The following SEC61A2 variants were observed in gnomAD, a reference collection of about 807,000 sequenced individuals.
SEC61A2 encodes SEC61 translocon subunit alpha 2.
Under a neutral mutation model 59.9 loss-of-function variants are expected in SEC61A2, and 28 were observed. The observed-to-expected ratio is 0.47, with a 90% CI of 0.35 to 0.64. The LOEUF (loss-of-function observed/expected upper bound fraction) is 0.64. SEC61A2 is among the 30% of genes least tolerant of loss of function. The pLI is 0.01. For synonymous variants in SEC61A2, 202 were observed against 214.4 expected (o/e 0.94, Z 0.50); for missense variants, 340 against 585.9 (o/e 0.58, Z 4.33).
intron 11 of SEC61A2, among the ~76,000 whole-genome samples, chr10:12,163,283 C>T (rs1035224459): frequency 1.3e-5 from 2 of 149,310 alleles, no homozygotes; most frequent in African/African-American, 4.9e-5. Flanking sequence ...AGCTTGGGAC[C>T]ACAGGTGTGT....
At position 12,129,923 on chromosome 10, in the gene SEC61A2, C is replaced by T. The variant is rs994455564; in HGVS notation, c.7+129C>T. The stretch of plus-strand genomic sequence containing the variant: ...ATGCGCGGGCCGCTCCGGGCCTCAG[C>T]GGAGGGCACGGGCCGGGGGCCTCCG... On this transcript the variant is annotated intron_variant, in intron 1 of 11. Transcript: ENST00000298428. The surrounding 1 kb of genome is among the most constrained non-coding windows in gnomAD (Gnocchi z 5.6). The T allele has an allele frequency of 3.6e-6, 3 of 838,084 alleles. No individual in the cohort carries two copies. In the African/African-American group the frequency reaches 5.4e-5, roughly 15 times the overall value. 51.9% of individuals were successfully genotyped at this position (838,084 alleles called of 1,614,324 possible). A position where few individuals can be genotyped will look rare whatever the true frequency, so the allele number is the denominator to read the frequency against.
At chr10:12,134,626 G>T (rs1387942170) in intron 2 of SEC61A2, among the ~76,000 whole-genome samples, 2 of 152,096 alleles carry the variant, frequency 1.3e-5, no homozygotes, top group Non-Finnish European at 2.9e-5. Context: ...AGGTGAAAGG[G>T]ACATTAGAAA....
chr10:12,136,187 T>C lies in SEC61A2; in HGVS notation c.141+17T>C. ...TGTTGTCAGGTATGTAACTATACTA[T>C]TAAATAAATGTCTGCACCATTGTTC... On this transcript the variant is annotated intron_variant, in intron 3 of 11. Transcript: ENST00000298428. 1 of 1,459,324 alleles carries C rather than the reference T, an allele frequency of 6.9e-7. No individual in the cohort carries two copies. The highest frequency in any genetic ancestry group is 9.6e-7 in the Non-Finnish European group (1 of 1,039,584). 90.4% of individuals were successfully genotyped at this position (1,459,324 alleles called of 1,614,324 possible).
intron 3 of SEC61A2, among the ~76,000 whole-genome samples, chr10:12,140,523 T>C (rs1293494689): frequency 6.6e-6 from 1 of 152,130 alleles, no homozygotes; most frequent in African/African-American, 2.4e-5. Flanking sequence ...TTATGGGAGG[T>C]TGGCTTGCTG....
intron 6 of SEC61A2, among the ~76,000 whole-genome samples, chr10:12,150,923 T>C (rs1021179418): frequency 3.9e-5 from 6 of 152,120 alleles, no homozygotes; most frequent in Middle Eastern, 6.8e-3. Context: ...TACAGGTGCC[T>C]GCCACCACGC....
chr10:12,136,029 C>T (rs1279135367), intron 2 of SEC61A2, 76 bp from the exon 3 acceptor site: 1 of 928,278 alleles, frequency 1.1e-6, no homozygotes, highest in African/African-American at 1.6e-5. Context: ...AAAGAATAAC[C>T]TCAAAACTCT....
In SEC61A2 at chr10:12,139,645, G is replaced by A. The variant is rs574025429; in HGVS notation, c.142-3472G>A. On this transcript the variant is annotated intron_variant, in intron 3 of 11. Coordinates refer to ENST00000298428, the MANE Select transcript of SEC61A2 (RefSeq NM_018144.4). ...TAAAAATAGAAAAAATTAGGCGGGC[G>A]TGGTGGCGGGCGCCTGTAGTCCCAG... is the stretch of plus-strand genomic sequence containing the variant. Among the ~76,000 whole-genome samples the A allele has an allele frequency of 2.7e-3, 408 of 152,244 alleles. 1 individual carries two copies. Among genetic ancestry groups the A allele is most frequent in the African/African-American group, 9.2e-3 (382 of 41,560 alleles).
intron 2 of SEC61A2, among the ~76,000 whole-genome samples, chr10:12,135,010 T>G (rs1833853621): frequency 6.6e-6 from 1 of 152,076 alleles, no homozygotes; most frequent in Non-Finnish European, 1.5e-5. Context: ...ATGGGGAACT[T>G]TAGTTACGTT....
chr10:12,144,670 G>A (rs940780600), intron 4 of SEC61A2, among the ~76,000 whole-genome samples: 1 of 152,012 alleles, frequency 6.6e-6, no homozygotes, highest in Non-Finnish European at 1.5e-5. Flanking sequence ...GAGAGAGGAG[G>A]CCACATGAAG....
Position 12,158,256 on chromosome 10 carries a change from A to T in SEC61A2, c.975+151A>T. ...GCAGAGTTTAGTACTTATCTGGAAG[A>T]ACTGGTAAGTGTTGCAGAAGTAAGA... On this transcript the variant is annotated intron_variant, in intron 9 of 11. Transcript: ENST00000298428. The surrounding 1 kb of genome is among the most constrained non-coding windows in gnomAD (Gnocchi z 5.7). 1 of 646,080 alleles carries T rather than the reference A, an allele frequency of 1.5e-6. No individual in the cohort carries two copies. The highest frequency in any genetic ancestry group is 2.6e-6 in the Non-Finnish European group (1 of 387,486). The allele number at this position is 646,080 out of a possible 1,614,324, so 40.0% of individuals were successfully genotyped here.
intron 9 of SEC61A2, among the ~76,000 whole-genome samples, chr10:12,159,040 C>T (rs1358038615): frequency 2.7e-5 from 4 of 148,786 alleles, no homozygotes; most frequent in East Asian, 2.0e-4. Flanking sequence ...TGCAGTGGTA[C>T]GATCTCGGCT....
At position 12,156,720 on chromosome 10, in the gene SEC61A2, A is replaced by G. The variant is rs1210101511; in HGVS notation, c.617-187A>G. ...AACTTCGGATTTATGCTATAAAAAC[A>G]TAGATTTGCCTCAATGATCTAAATA... On this transcript the variant is annotated intron_variant, in intron 7 of 11. Transcript: ENST00000298428. The surrounding 1 kb of genome is among the most constrained non-coding windows in gnomAD (Gnocchi z 5.2). Among the ~76,000 whole-genome samples, 1 of 152,246 alleles carries G rather than the reference A, an allele frequency of 6.6e-6. No individual in the cohort carries two copies. Among genetic ancestry groups the G allele is most frequent in the African/African-American group, 2.4e-5 (1 of 41,468 alleles).
At chr10:12,148,388 G>A (rs1564411681) in intron 4 of SEC61A2, among the ~76,000 whole-genome samples, 2 of 151,776 alleles carry the variant, frequency 1.3e-5, no homozygotes. Flanking sequence ...TGGGATTACA[G>A]GCATGCACCA....
intron 9 of SEC61A2, among the ~76,000 whole-genome samples, chr10:12,159,899 A>T (rs758910548): frequency 3.0e-4 from 46 of 151,472 alleles, no homozygotes; most frequent in African/African-American, 1.0e-3. Flanking sequence ...AATGTCATTT[A>T]AAAAAAAGGT....
chr10:12,151,055 G>T (rs759127597), intron 6 of SEC61A2, among the ~76,000 whole-genome samples: 33 of 151,424 alleles, frequency 2.2e-4, no homozygotes, highest in Non-Finnish European at 4.1e-4. Context: ...GATTACAGGC[G>T]TGAGCCACTG....
At chr10:12,130,330 G>C (rs1833703212) in intron 1 of SEC61A2, among the ~76,000 whole-genome samples, 1 of 152,144 alleles carries the variant, frequency 6.6e-6, no homozygotes, top group Admixed American at 6.5e-5. Context: ...TAGGGACAAG[G>C]CCTTATGTTA....
chr10:12,159,047 G>A (rs1045784561), intron 9 of SEC61A2, among the ~76,000 whole-genome samples: 1 of 149,146 alleles, frequency 6.7e-6, no homozygotes, highest in African/African-American at 2.5e-5. Context: ...GTACGATCTC[G>A]GCTCACTGCA....
chr10:12,143,091 A>G lies in SEC61A2; in HGVS notation c.142-26A>G. On this transcript the variant is annotated intron_variant, in intron 3 of 11. Coordinates refer to ENST00000298428, the MANE Select transcript of SEC61A2 (RefSeq NM_018144.4). This position sits in a 1 kb window ranked among gnomAD's most constrained non-coding sequence, Gnocchi z 4.8. ...CCTCAGCCTTATATAATACAGTTTC[A>G]TAAACTATTTTGTGTACTATTTTAG... 1.3e-6 allele frequency: 2 copies of G among 1,566,472 alleles called. No homozygotes were observed. The highest frequency in any genetic ancestry group is 8.8e-7 in the Non-Finnish European group (1 of 1,136,886).
chr10:12,140,923 G>T (rs1196568778), intron 3 of SEC61A2, among the ~76,000 whole-genome samples: 1 of 151,554 alleles, frequency 6.6e-6, no homozygotes, highest in Non-Finnish European at 1.5e-5. Context: ...TTTTTGAGAT[G>T]GAGTCTTGTT....
Sources: allele counts gnomAD v4.1 joint callset (sites outside exome capture counted in the v4.1 genomes callset), GRCh38; gene constraint gnomAD v4.1.1; non-coding constraint Gnocchi (gnomAD v3.1); transcripts MANE v1.5; gene names NCBI Gene and HGNC (gene_info 2026-07-23, HGNC 2026-07-21).